The following CDC14B variants were observed in gnomAD, a reference collection of about 807,000 sequenced individuals.
CDC14B encodes the protein dual specificity protein phosphatase CDC14B.
Under a neutral mutation model 64.2 loss-of-function variants are expected in CDC14B, and 22 were observed. The observed-to-expected ratio is 0.34, with a 90% CI of 0.24 to 0.49. CDC14B has a LOEUF of 0.49. CDC14B is among the 20% of genes least tolerant of loss of function. The probability of loss-of-function intolerance (pLI) is 0.99; values close to 1 mark genes in which losing one functional copy is unlikely to be tolerated. For synonymous variants in CDC14B, 191 were observed against 215.8 expected, an observed-to-expected ratio of 0.89 and a Z score of 1.01; for missense variants, 498 against 629.9, an observed-to-expected ratio of 0.79 and a Z score of 2.24.
chr9:96,491,348 G>C (rs1454946099), exon 14 of CDC14B: 1 of 152,226 alleles, frequency 6.6e-6, no homozygotes, highest in Non-Finnish European at 1.5e-5. Flanking sequence ...TTTGTGTAGA[G>C]AAAACAGTCC....
chr9:96,619,412 C>T lies in CDC14B; in HGVS notation c.-34G>A. 1 of 1,141,492 alleles carries T rather than the reference C, an allele frequency of 8.8e-7. No homozygotes were observed. The highest frequency in any genetic ancestry group is 1.7e-5 in the African/African-American group (1 of 60,512). The allele number at this position is 1,141,492 out of a possible 1,614,324, so 70.7% of individuals were successfully genotyped here. A position where few individuals can be genotyped will look rare whatever the true frequency, so the allele number is the denominator to read the frequency against. ...CCGCGGCCCGTCAGGGGGCCACGAC[C>T]ATGGCCCCGCGCGCCCGCGCGCCCG... On this transcript the variant is annotated 5_prime_UTR_variant, in exon 1 of 14. An upstream start codon of the reference 5' UTR is lost. Coordinates refer to ENST00000375241, the MANE Select transcript of CDC14B (RefSeq NM_033331.4).
intron 1 of CDC14B, among the ~76,000 whole-genome samples, chr9:96,597,459 G>A (rs113291601): frequency 0.021 from 3,157 of 149,328 alleles, 101 homozygotes; most frequent in African/African-American, 0.072. Flanking sequence ...GTGTCATTGC[G>A]CTCCAGCCTG....
At chr9:96,553,460 G>A (rs1842098163) in intron 4 of CDC14B, among the ~76,000 whole-genome samples, 1 of 151,218 alleles carries the variant, frequency 6.6e-6, no homozygotes, top group Non-Finnish European at 1.5e-5. Context: ...CCAGGTTCAA[G>A]CAATTCTCCT....
chr9:96,563,652 C>CG (rs66916490), intron 3 of CDC14B, among the ~76,000 whole-genome samples: 3 of 116,566 alleles, frequency 2.6e-5, no homozygotes, highest in East Asian at 2.4e-4. Context: ...CTCTGTCTCA[C>CG]GGGAAAAAAA....
At chr9:96,608,780 A>T (rs1847125338) in intron 1 of CDC14B, among the ~76,000 whole-genome samples, 1 of 152,040 alleles carries the variant, frequency 6.6e-6, no homozygotes, top group Admixed American at 6.6e-5. Flanking sequence ...CTTTTCCTTT[A>T]GATGTATTTT....
downstream of CDC14B, among the ~76,000 whole-genome samples, chr9:96,499,164 G>T (rs779971724): frequency 8.5e-5 from 13 of 152,232 alleles, no homozygotes; most frequent in Non-Finnish European, 1.6e-4. Flanking sequence ...CAGAGCCAGG[G>T]TCTGCAAATG....
intron 9 of CDC14B, among the ~76,000 whole-genome samples, chr9:96,530,387 G>A (rs1421170731): frequency 6.7e-6 from 1 of 149,676 alleles, no homozygotes; most frequent in Non-Finnish European, 1.5e-5. Context: ...CCACCTCCCA[G>A]ATTCACGCAA....
intron 1 of CDC14B, among the ~76,000 whole-genome samples, chr9:96,581,476 A>C (rs1845146443): frequency 6.7e-6 from 1 of 149,188 alleles, no homozygotes; most frequent in Non-Finnish European, 1.5e-5. Context: ...AAAAAAATTA[A>C]ATTAATTAAT....
At position 96,532,547 on chromosome 9, in the gene CDC14B, C is replaced by T. The variant is rs192527412; in HGVS notation, c.946+1380G>A. On this transcript the variant is annotated intron_variant, in intron 9 of 13. Transcript: ENST00000375241. ...GGGAGTTTTCAGCCAAATCATCTGTCTGCTCCTTTACTTCTCTTCTCCCTC... is the reference window on the plus strand; with the variant it reads ...GGGAGTTTTCAGCCAAATCATCTGTTTGCTCCTTTACTTCTCTTCTCCCTC... 1.4e-3 allele frequency among the ~76,000 whole-genome samples: 208 copies of T among 152,272 alleles called. 1 individual carries two copies. The highest frequency in any genetic ancestry group is 0.01 in the Middle Eastern group (3 of 294).
At chr9:96,583,806 C>T (rs1453499073) in intron 1 of CDC14B, among the ~76,000 whole-genome samples, 1 of 152,096 alleles carries the variant, frequency 6.6e-6, no homozygotes, top group Non-Finnish European at 1.5e-5. Context: ...GCAAGCTCCG[C>T]CTCCCGGGTT....
chr9:96,614,570 T>C (rs1195548320), intron 1 of CDC14B, among the ~76,000 whole-genome samples: 4 of 152,178 alleles, frequency 2.6e-5, no homozygotes, highest in Admixed American at 2.6e-4. Flanking sequence ...AACATAGATA[T>C]ATGCAGTAGT....
intron 4 of CDC14B, 88 bp from the exon 5 acceptor site, chr9:96,551,960 A>G: frequency 6.7e-7 from 1 of 1,496,040 alleles, no homozygotes; most frequent in Non-Finnish European, 8.9e-7. Flanking sequence ...TCCAATTTCC[A>G]ACCAACTGAG....
Position 96,529,489 on chromosome 9 carries a change from C to CA in CDC14B, c.946+4437_946+4438insT, listed in dbSNP as rs1564255829. ...TTGATTGATGTAGCTTTGTACTAAG[C>CA]CTTTTTTTTTTTTTTTTTTTGAGAC... On this transcript the variant is annotated intron_variant, in intron 9 of 13. Coordinates refer to ENST00000375241, the MANE Select transcript of CDC14B (RefSeq NM_033331.4). 8.0e-4 allele frequency among the ~76,000 whole-genome samples: 116 copies of CA among 145,164 alleles called. 1 individual carries two copies. The highest frequency in any genetic ancestry group is 3.6e-3 in the Middle Eastern group (1 of 278).
At chr9:96,516,612 T>G (rs1190006657) in intron 12 of CDC14B, among the ~76,000 whole-genome samples, 1 of 151,698 alleles carries the variant, frequency 6.6e-6, no homozygotes, top group African/African-American at 2.4e-5. Context: ...CCTGAGTAGT[T>G]GGGATTAGAG....
intron 1 of CDC14B, among the ~76,000 whole-genome samples, chr9:96,593,279 G>T (rs1845885546): frequency 6.6e-6 from 1 of 152,126 alleles, no homozygotes; most frequent in Non-Finnish European, 1.5e-5. Flanking sequence ...ACGAGGTCAA[G>T]AGATAGAGAC....
At chr9:96,615,661 T>C (rs1333464103) in intron 1 of CDC14B, among the ~76,000 whole-genome samples, 1 of 152,212 alleles carries the variant, frequency 6.6e-6, no homozygotes, top group Non-Finnish European at 1.5e-5. Context: ...GCTGGCGGCG[T>C]AGCCATTCGG....
At chr9:96,494,416 C>G (rs2131177100) in intron 13 of CDC14B, among the ~76,000 whole-genome samples, 1 of 152,320 alleles carries the variant, frequency 6.6e-6, no homozygotes, top group African/African-American at 2.4e-5. Flanking sequence ...TGCAGAGGGC[C>G]CACGCTCAGG....
intron 13 of CDC14B, among the ~76,000 whole-genome samples, chr9:96,507,248 C>T (rs1380133208): frequency 6.9e-6 from 1 of 145,758 alleles, no homozygotes; most frequent in East Asian, 2.0e-4. Context: ...ACCTGGAAGA[C>T]GAAGTTTGCA....
At chr9:96,517,234 C>T (rs1835821801) in intron 12 of CDC14B, among the ~76,000 whole-genome samples, 3 of 150,542 alleles carry the variant, frequency 2.0e-5, no homozygotes, top group Middle Eastern at 7.0e-3. Flanking sequence ...CCCAGCTACT[C>T]GGGAAGTTGG....
Sources: allele counts gnomAD v4.1 joint callset (sites outside exome capture counted in the v4.1 genomes callset), GRCh38; gene constraint gnomAD v4.1.1; transcripts MANE v1.5; gene names NCBI Gene and HGNC (gene_info 2026-07-23, HGNC 2026-07-21).